TMCC3: variants seen among roughly 807,000 people sequenced by gnomAD.
TMCC3 encodes the protein transmembrane and coiled-coil domain family 3.
Under a neutral mutation model 40.2 loss-of-function variants are expected in TMCC3, and 28 were observed. The ratio of observed to expected loss-of-function variants is 0.70; its 90% CI spans 0.52 to 0.95. The LOEUF is 0.95. Among genes scored for constraint, TMCC3 ranks in the 40% least tolerant of loss-of-function variants. The probability of loss-of-function intolerance (pLI) is 0.00; values close to 1 mark genes in which losing one functional copy is unlikely to be tolerated. For missense variants in TMCC3, 554 were observed against 615.2 expected, an observed-to-expected ratio of 0.90 and a Z score of 1.05; for synonymous variants, 255 against 248.5, an observed-to-expected ratio of 1.03 and a Z score of -0.25.
At chr12:94,630,505 CCT>C (rs1383860391) in intron 1 of TMCC3, among the ~76,000 whole-genome samples, 17 of 152,152 alleles carry the variant, frequency 1.1e-4, no homozygotes, top group Non-Finnish European at 1.5e-5. Flanking sequence ...TCGCTTAACC[CCT>C]GTTTGAGCCT....
In TMCC3 at chr12:94,580,461, G is replaced by C. The variant is rs2068593455; in HGVS notation, c.995+1161C>G. ...AAAAAATACATTACATAGGCTGGGTGCAGTGGTTCATGTCTGTAATCCCAG... is the reference window on the plus strand; with the variant it reads ...AAAAAATACATTACATAGGCTGGGTCCAGTGGTTCATGTCTGTAATCCCAG... On this transcript the variant is annotated intron_variant, in intron 2 of 3. Coordinates refer to ENST00000261226, the MANE Select transcript of TMCC3 (RefSeq NM_020698.4). Among the ~76,000 whole-genome samples, 4 of 152,296 alleles carry C rather than the reference G, an allele frequency of 2.6e-5. No homozygotes were observed. In the East Asian group the frequency reaches 7.7e-4, roughly 29 times the overall value.
intron 1 of TMCC3, among the ~76,000 whole-genome samples, chr12:94,641,381 A>G (rs2068989922): frequency 6.6e-6 from 1 of 152,132 alleles, no homozygotes; most frequent in African/African-American, 2.4e-5. Flanking sequence ...TGCCTGTGGA[A>G]CAAGAGGTAG....
intron 1 of TMCC3, chr12:94,616,160 G>A (rs536418307): frequency 1.6e-5 from 14 of 895,814 alleles, no homozygotes; most frequent in South Asian, 1.0e-4. Context: ...ATAATGCACC[G>A]TATTCAACAC....
intron 1 of TMCC3, among the ~76,000 whole-genome samples, chr12:94,641,759 C>A (rs570442891): frequency 2.6e-4 from 40 of 152,172 alleles, no homozygotes; most frequent in African/African-American, 8.7e-4. Context: ...AATTCTAAGT[C>A]AAACGCACAG....
At chr12:94,577,234 G>A (rs973792099) in intron 3 of TMCC3, among the ~76,000 whole-genome samples, 4 of 151,770 alleles carry the variant, frequency 2.6e-5, no homozygotes, top group Non-Finnish European at 4.4e-5. Context: ...TGTCGTCCAG[G>A]CTGGAGTGCA....
intron 1 of TMCC3, among the ~76,000 whole-genome samples, chr12:94,606,775 G>A (rs542546502): frequency 6.6e-6 from 1 of 152,210 alleles, no homozygotes; most frequent in East Asian, 1.9e-4. Context: ...TACGAACAGG[G>A]CGTAGGTCAC....
chr12:94,592,485 C>CAA lies in TMCC3; in HGVS notation c.79-9949_79-9948dup, dbSNP rs11403354. Among the ~76,000 whole-genome samples, 56 of 145,406 alleles carry CAA rather than the reference C, an allele frequency of 3.9e-4. 1 individual carries two copies. Among genetic ancestry groups the CAA allele is most frequent in the East Asian group, 1.2e-3 (6 of 4,952 alleles). On this transcript the variant is annotated intron_variant, in intron 1 of 3. Coordinates refer to ENST00000261226, the MANE Select transcript of TMCC3 (RefSeq NM_020698.4). ...TGAAACCCTGTCTCTACTAAAAATG[C>CAA]AAAAAAAAATGAGCCGGGTGTGGTG...
intron 2 of TMCC3, 109 bp from the exon 3 acceptor site, chr12:94,578,638 G>T: frequency 8.1e-7 from 1 of 1,230,274 alleles, no homozygotes; most frequent in Non-Finnish European, 1.1e-6. Context: ...CTCATTCCCT[G>T]ATGGGCTGTT....
At chr12:94,640,243 C>CTGCAG (rs746155871) in intron 1 of TMCC3, among the ~76,000 whole-genome samples, 1 of 152,240 alleles carries the variant, frequency 6.6e-6, no homozygotes, top group Non-Finnish European at 1.5e-5. Context: ...TCAAGGCTCA[C>CTGCAG]TGCAGCCTCA....
intron 1 of TMCC3, among the ~76,000 whole-genome samples, chr12:94,639,219 T>C (rs1410477030): frequency 6.6e-6 from 1 of 152,164 alleles, no homozygotes; most frequent in Non-Finnish European, 1.5e-5. Context: ...TCCACCTAGA[T>C]GAGACTGCCT....
intron 3 of TMCC3, among the ~76,000 whole-genome samples, chr12:94,573,170 C>T (rs915529810): frequency 4.6e-5 from 7 of 152,108 alleles, no homozygotes; most frequent in African/African-American, 1.7e-4. Flanking sequence ...CCATGATCCA[C>T]CCAGTTCCTC....
At chr12:94,589,793 GA>G (rs60298428) in intron 1 of TMCC3, among the ~76,000 whole-genome samples, 3 of 152,128 alleles carry the variant, frequency 2.0e-5, no homozygotes, top group African/African-American at 7.2e-5. Context: ...CCTTTTATGA[GA>G]AAACCGAGAC....
intron 1 of TMCC3, chr12:94,598,634 C>T: frequency 1.0e-6 from 1 of 985,378 alleles, no homozygotes; most frequent in Non-Finnish European, 1.2e-6. Flanking sequence ...ACATAAACTC[C>T]CTCTTTGGCT....
At position 94,639,808 on chromosome 12, in the gene TMCC3, A is replaced by ATTTT. The variant is rs1303775132; in HGVS notation, c.78+10544_78+10545insAAAA. Among the ~76,000 whole-genome samples the ATTTT allele has an allele frequency of 9.2e-5, 14 of 151,714 alleles. No individual in the cohort carries two copies. The East Asian group carries it at 2.5e-3, about 27-fold the overall frequency. On this transcript the variant is annotated intron_variant, in intron 1 of 3. Coordinates refer to ENST00000261226, the MANE Select transcript of TMCC3 (RefSeq NM_020698.4). ...AGAAGAAAAGAAAAAGAAGCAGGCT[A>ATTTT]TAAAAATCTCACTCGGTTCTGCTGA...
At chr12:94,632,002 C>T (rs1482913631) in intron 1 of TMCC3, among the ~76,000 whole-genome samples, 1 of 152,170 alleles carries the variant, frequency 6.6e-6, no homozygotes, top group Non-Finnish European at 1.5e-5. Context: ...TTACATGCAA[C>T]AACATGCAAT....
At chr12:94,623,281 G>A (rs2651968) in intron 1 of TMCC3, among the ~76,000 whole-genome samples, 145,333 of 152,270 alleles carry the variant, frequency 0.95, 69,424 homozygotes, top group African/African-American at 0.98. Flanking sequence ...CTACTTAAGG[G>A]AAGAGAATTA....
intron 1 of TMCC3, among the ~76,000 whole-genome samples, chr12:94,607,669 G>A (rs1340787079): frequency 6.6e-6 from 1 of 152,178 alleles, no homozygotes; most frequent in Non-Finnish European, 1.5e-5. Context: ...GCCTCCCAAA[G>A]TGCTGGGATT....
chr12:94,650,273 G>C, intron 1 of TMCC3, 80 bp downstream of exon 1: 1 of 930,034 alleles, frequency 1.1e-6, no homozygotes, highest in Non-Finnish European at 1.4e-6. Context: ...GGGCGCGTGG[G>C]TTAGCACTGA....
At chr12:94,576,442 C>T (rs1344318402) in intron 3 of TMCC3, among the ~76,000 whole-genome samples, 3 of 152,176 alleles carry the variant, frequency 2.0e-5, no homozygotes, top group Admixed American at 1.3e-4. Flanking sequence ...CTACTGTCCA[C>T]AGAGAAAATT....
Sources: allele counts gnomAD v4.1 joint callset (sites outside exome capture counted in the v4.1 genomes callset), GRCh38; gene constraint gnomAD v4.1.1; transcripts MANE v1.5; gene names NCBI Gene and HGNC (gene_info 2026-07-23, HGNC 2026-07-21).